SYN2: variants seen among roughly 807,000 people sequenced by gnomAD.
The protein encoded by SYN2 is synapsin II, also known as synapsin-2.
A neutral mutation model predicts 50.9 loss-of-function variants in SYN2; 19 were observed. The observed-to-expected ratio is 0.37, with a 90% CI of 0.26 to 0.55. The LOEUF is 0.55. SYN2 is among the 20% of genes least tolerant of loss of function. SYN2 has a pLI of 0.81. For missense variants in SYN2, 587 were observed against 576.4 expected, an observed-to-expected ratio of 1.02 and a Z score of -0.19; for synonymous variants, 255 against 224.9, an observed-to-expected ratio of 1.13 and a Z score of -1.20.
chr3:12,108,969 A>G (rs1696260528), intron 1 of SYN2, among the ~76,000 whole-genome samples: 1 of 152,170 alleles, frequency 6.6e-6, no homozygotes, highest in South Asian at 2.1e-4. Context: ...TAAAGACTGA[A>G]GTTTGCAGTT....
intron 1 of SYN2, among the ~76,000 whole-genome samples, chr3:12,113,197 A>C (rs866105959): frequency 6.6e-6 from 1 of 152,178 alleles, no homozygotes; most frequent in Non-Finnish European, 1.5e-5. Flanking sequence ...CAATATCTTC[A>C]TGCAATATTT....
At chr3:12,109,288 ATACT>A (rs2125194360) in intron 1 of SYN2, among the ~76,000 whole-genome samples, 1 of 152,270 alleles carries the variant, frequency 6.6e-6, no homozygotes, top group East Asian at 1.9e-4. Context: ...ATTGGACAAG[ATACT>A]TAATCTCGCT....
At chr3:12,120,252 G>A (rs1559427738) in intron 1 of SYN2, among the ~76,000 whole-genome samples, 1 of 152,064 alleles carries the variant, frequency 6.6e-6, no homozygotes, top group Non-Finnish European at 1.5e-5. Context: ...TAGAACCCAG[G>A]TTTCCTTTCC....
chr3:12,172,124 T>C (rs1293461450), intron 10 of SYN2, among the ~76,000 whole-genome samples: 2 of 152,220 alleles, frequency 1.3e-5, no homozygotes, highest in Non-Finnish European at 1.5e-5. Flanking sequence ...CATACCATGC[T>C]GGGAGTCAGG....
At chr3:12,115,776 T>A (rs1055073996) in intron 1 of SYN2, among the ~76,000 whole-genome samples, 1 of 152,106 alleles carries the variant, frequency 6.6e-6, no homozygotes, top group Non-Finnish European at 1.5e-5. Context: ...ATAACTATAT[T>A]TTCCCCCAGC....
At chr3:12,124,699 T>A (rs143752095) in intron 1 of SYN2, among the ~76,000 whole-genome samples, 4 of 152,242 alleles carry the variant, frequency 2.6e-5, no homozygotes, top group African/African-American at 9.6e-5. Flanking sequence ...CAGATAGATA[T>A]AAAATAGCAT....
At chr3:12,117,519 G>C (rs1041101359) in intron 1 of SYN2, among the ~76,000 whole-genome samples, 1 of 152,134 alleles carries the variant, frequency 6.6e-6, no homozygotes, top group Non-Finnish European at 1.5e-5. Flanking sequence ...TCTGAATTTT[G>C]TGCCTGTGTA....
chr3:12,041,805 G>T (rs555436122), intron 1 of SYN2, among the ~76,000 whole-genome samples: 1 of 152,290 alleles, frequency 6.6e-6, no homozygotes, highest in East Asian at 1.9e-4. Flanking sequence ...TATATCCGGC[G>T]TTATGTCTGA....
At chr3:12,035,371 G>A (rs552112033) in intron 1 of SYN2, among the ~76,000 whole-genome samples, 8 of 152,196 alleles carry the variant, frequency 5.3e-5, no homozygotes, top group Non-Finnish European at 1.0e-4. Context: ...GTTCTGTGGT[G>A]TTAGGGGGCT....
intron 1 of SYN2, among the ~76,000 whole-genome samples, chr3:12,019,862 T>C (rs1220590645): frequency 6.6e-6 from 1 of 152,178 alleles, no homozygotes; most frequent in East Asian, 1.9e-4. Flanking sequence ...GAAATAAAGC[T>C]GTGTCTAAAA....
chr3:12,016,752 A>T (rs1156409956), intron 1 of SYN2, among the ~76,000 whole-genome samples: 1 of 152,132 alleles, frequency 6.6e-6, no homozygotes, highest in Non-Finnish European at 1.5e-5. Flanking sequence ...GCTACTCGGG[A>T]GGCTGAGGCA....
At chr3:12,130,774 G>A (rs541538150) in intron 1 of SYN2, among the ~76,000 whole-genome samples, 1 of 152,252 alleles carries the variant, frequency 6.6e-6, no homozygotes, top group Admixed American at 6.5e-5. Context: ...ACTATCAGGG[G>A]GCTTCTGATA....
chr3:12,054,650 T>C (rs1218095458), intron 1 of SYN2, among the ~76,000 whole-genome samples: 2 of 145,670 alleles, frequency 1.4e-5, no homozygotes, highest in East Asian at 4.0e-4. Context: ...GTATCTAGGA[T>C]TATTGCATCC....
intron 1 of SYN2, among the ~76,000 whole-genome samples, chr3:12,053,829 C>T (rs1326709918): frequency 1.3e-5 from 2 of 151,764 alleles, no homozygotes; most frequent in East Asian, 3.9e-4. Flanking sequence ...TTTTGTAAAC[C>T]TCGAATAATT....
chr3:12,016,992 C>T (rs912578427), intron 1 of SYN2, among the ~76,000 whole-genome samples: 1 of 152,008 alleles, frequency 6.6e-6, no homozygotes, highest in Non-Finnish European at 1.5e-5. Flanking sequence ...TATAGTCAAA[C>T]AATATCACAG....
At chr3:12,155,017 CT>C (rs1697414857) in intron 5 of SYN2, among the ~76,000 whole-genome samples, 1 of 148,908 alleles carries the variant, frequency 6.7e-6, no homozygotes, top group Non-Finnish European at 1.5e-5. Flanking sequence ...ACCTATGAAG[CT>C]CCTTTTCACC....
intron 1 of SYN2, among the ~76,000 whole-genome samples, chr3:12,085,620 CGT>C (rs1695685835): frequency 6.6e-6 from 1 of 151,938 alleles, no homozygotes; most frequent in African/African-American, 2.4e-5. Context: ...AAAATTAACA[CGT>C]ATGTGGAAAT....
At chr3:12,175,208 C>G (rs945935421) in intron 10 of SYN2, among the ~76,000 whole-genome samples, 8 of 152,296 alleles carry the variant, frequency 5.3e-5, no homozygotes, top group Admixed American at 2.0e-4. Context: ...CCACTCCTGC[C>G]CCACTCCCTT....
At chr3:12,109,730 A>G (rs932743613) in intron 1 of SYN2, among the ~76,000 whole-genome samples, 3 of 152,254 alleles carry the variant, frequency 2.0e-5, no homozygotes, top group East Asian at 1.9e-4. Context: ...TTTGGGGTAG[A>G]TACAGGATGA....
Sources: gnomAD v4.1 joint callset for allele counts (sites outside exome capture counted in the v4.1 genomes callset) on GRCh38, gnomAD v4.1.1 for gene constraint, MANE v1.5 for transcripts, NCBI Gene and HGNC (gene_info 2026-07-23, HGNC 2026-07-21) for gene names.